The following GLP2R variants were observed in gnomAD, a reference collection of about 807,000 sequenced individuals.
The protein encoded by GLP2R is glucagon-like peptide 2 receptor.
GLP2R carries 59 observed loss-of-function variants against 68.2 expected under a neutral mutation model. That is an observed-to-expected ratio of 0.87 (90% CI 0.70 to 1.07). GLP2R has a LOEUF of 1.07. Among genes scored for constraint, GLP2R ranks in the 50% least tolerant of loss-of-function variants. The pLI, the probability that GLP2R is intolerant of heterozygous loss-of-function variation, is 0.00. For synonymous variants in GLP2R, 270 were observed against 265.4 expected (o/e 1.02, Z -0.17); for missense variants, 548 against 677.4 (o/e 0.81, Z 2.12).
intron 4 of GLP2R, among the ~76,000 whole-genome samples, chr17:9,850,324 G>A (rs1270329775): frequency 6.6e-6 from 1 of 152,220 alleles, no homozygotes; most frequent in African/African-American, 2.4e-5. Flanking sequence ...ACCAACTGTA[G>A]CAGGTGCTCT....
chr17:9,852,470 G>T (rs1363637393), intron 4 of GLP2R, among the ~76,000 whole-genome samples: 1 of 151,860 alleles, frequency 6.6e-6, no homozygotes, highest in Non-Finnish European at 1.5e-5. Context: ...CCAATCTATA[G>T]CATTCTTATA....
Position 9,840,217 on chromosome 17 carries a change from C to T in GLP2R, c.383-2278C>T, listed in dbSNP as rs2066773158. Among the ~76,000 whole-genome samples, 7 of 152,298 alleles carry T rather than the reference C, an allele frequency of 4.6e-5. No homozygotes were observed. The South Asian group carries it at 1.5e-3, about 32-fold the overall frequency. On this transcript the variant is annotated intron_variant, in intron 3 of 12. Coordinates refer to ENST00000262441, the MANE Select transcript of GLP2R (RefSeq NM_004246.3). ...GTCTCGAACTTCTGACCTCGTGAAC[C>T]TCCCGCCTTGGCCTCCCAAAATGCT...
intron 9 of GLP2R, among the ~76,000 whole-genome samples, chr17:9,863,049 C>A (rs2067001264): frequency 6.6e-6 from 1 of 152,134 alleles, no homozygotes; most frequent in Non-Finnish European, 1.5e-5. Flanking sequence ...GTGGACAGGC[C>A]TGTGTCATCT....
chr17:9,861,157 T>C lies in GLP2R; in HGVS notation c.944T>C (p.Val315Ala). The C allele has an allele frequency of 6.2e-7, 1 of 1,613,810 alleles. No homozygotes were observed. Among genetic ancestry groups the C allele is most frequent in the Non-Finnish European group, 8.5e-7 (1 of 1,179,766 alleles). Residue 315 changes from valine (V) to alanine (A), a missense_variant, in exon 8 of 13, where the codon GTT becomes GCT. By Grantham distance (64) the Val-to-Ala change is moderately conservative. Coordinates refer to ENST00000262441, the MANE Select transcript of GLP2R (RefSeq NM_004246.3). ...TCCCCAGCCTTCCCTGTGCTATTTG[T>C]TGTACCCTGGGGTTTCGCCCGTGCA... The part of the protein sequence containing the change: ...LLGWAFPVLF[V>A]VPWGFARAHL...
intron 1 of GLP2R, among the ~76,000 whole-genome samples, chr17:9,832,254 G>A (rs1386746511): frequency 1.3e-5 from 2 of 152,074 alleles, no homozygotes; most frequent in African/African-American, 4.8e-5. Flanking sequence ...CCTGGGAAAT[G>A]TAGCGAAATC....
chr17:9,885,746 A>G (rs2067238852), intron 11 of GLP2R, among the ~76,000 whole-genome samples: 1 of 148,610 alleles, frequency 6.7e-6, no homozygotes, highest in Non-Finnish European at 1.5e-5. Flanking sequence ...TCAGTAAAAA[A>G]AGGAGTCACA....
chr17:9,866,079 A>G, intron 9 of GLP2R: 1 of 348,206 alleles, frequency 2.9e-6, no homozygotes, highest in South Asian at 2.3e-5. Context: ...AGGGCTCCCC[A>G]GAGAGTGGAA....
At chr17:9,834,995 T>C (rs902930646) in intron 2 of GLP2R, among the ~76,000 whole-genome samples, 4 of 151,240 alleles carry the variant, frequency 2.6e-5, no homozygotes, top group African/African-American at 9.7e-5. Context: ...CACCATGGTG[T>C]TTCTAAGATT....
At position 9,826,107 on chromosome 17, in the gene GLP2R, C is replaced by T. The variant is rs778276667; in HGVS notation, c.44C>T (p.Ala15Val). 6.2e-6 allele frequency: 10 copies of T among 1,612,488 alleles called. No homozygotes were observed. In the East Asian group the frequency reaches 1.1e-4, roughly 18 times the overall value. ...SSRAGPGRGSAGLLPGVHELP... is the reference protein window; with the variant it reads ...SSRAGPGRGSVGLLPGVHELP... ...AGGGCAGGGCCTGGGAGAGGAAGCG[C>T]GGGACTCCTGCCTGGCGTCCACGAG... The change falls in exon 1 of 13, where the codon GCG (alanine) becomes GTG (valine). Residue 15 changes from alanine (A) to valine (V), a missense_variant. Ala to Val is a moderately conservative substitution (Grantham distance 64). Transcript: ENST00000262441.
chr17:9,863,159 C>T (rs918110882), intron 9 of GLP2R, among the ~76,000 whole-genome samples: 6 of 152,148 alleles, frequency 3.9e-5, no homozygotes, highest in African/African-American at 1.4e-4. Context: ...ACACACCCCA[C>T]ACATGGTGTG....
intron 3 of GLP2R, among the ~76,000 whole-genome samples, chr17:9,839,983 CTTTTT>C (rs11387395): frequency 7.2e-6 from 1 of 139,396 alleles, no homozygotes; most frequent in African/African-American, 2.7e-5. Flanking sequence ...TCTGAAGCCT[CTTTTT>C]TTTTTTTTTT....
rs1162589589 is a variant in GLP2R at position 9,842,483 on chromosome 17, G to A, written c.383-12G>A. 1.2e-6 allele frequency: 2 copies of A among 1,613,898 alleles called. No individual in the cohort carries two copies. The highest frequency in any genetic ancestry group is 1.7e-5 in the Admixed American group (1 of 59,990). On this transcript the variant is annotated splice_polypyrimidine_tract_variant and intron_variant, in intron 3 of 12. Coordinates refer to ENST00000262441, the MANE Select transcript of GLP2R (RefSeq NM_004246.3). Reference sequence around the variant, plus strand: ...GTTCTGACCTTTCCTCCAGAGCTTTGTTTACTTTCAGAGAGCTCAGGAAGG... The same window carrying A: ...GTTCTGACCTTTCCTCCAGAGCTTTATTTACTTTCAGAGAGCTCAGGAAGG...
At chr17:9,884,252 G>T in intron 11 of GLP2R, among the ~76,000 whole-genome samples, 1 of 149,826 alleles carries the variant, frequency 6.7e-6, no homozygotes, top group East Asian at 1.9e-4. Context: ...TACTAGCAAA[G>T]GAATTAAAAT....
At chr17:9,874,225 ACTGGGG>A (rs2067124124) in intron 10 of GLP2R, among the ~76,000 whole-genome samples, 1 of 152,224 alleles carries the variant, frequency 6.6e-6, no homozygotes, top group Admixed American at 6.5e-5. Context: ...AAATCAAGAT[ACTGGGG>A]AGACCCTCAT....
intron 2 of GLP2R, among the ~76,000 whole-genome samples, chr17:9,835,577 C>A (rs533823016): frequency 1.3e-5 from 2 of 152,046 alleles, no homozygotes; most frequent in Non-Finnish European, 1.5e-5. Context: ...TGACCAAGGA[C>A]CTTGATCTTG....
At chr17:9,833,746 G>T (rs2066701952) in intron 1 of GLP2R, 61 bp from the exon 2 acceptor site, 2 of 994,822 alleles carry the variant, frequency 2.0e-6, no homozygotes, top group Admixed American at 4.2e-5. Context: ...ATGGTGTGAA[G>T]TGACAACAAG....
chr17:9,832,116 T>A (rs1464704806), intron 1 of GLP2R, among the ~76,000 whole-genome samples: 2 of 152,168 alleles, frequency 1.3e-5, no homozygotes, highest in African/African-American at 4.8e-5. Context: ...AGGTGCCTGA[T>A]GAACAATAGA....
intron 6 of GLP2R, among the ~76,000 whole-genome samples, chr17:9,859,652 T>TATAC (rs397779730): frequency 6.8e-6 from 1 of 146,430 alleles, no homozygotes; most frequent in South Asian, 2.2e-4. Context: ...TATATATATA[T>TATAC]ACATACATAT....
rs917065665 is a variant in GLP2R at position 9,889,983 on chromosome 17, G to A, written c.*278G>A. The A allele has an allele frequency of 7.5e-6, 4 of 531,514 alleles. No homozygotes were observed. The highest frequency in any genetic ancestry group is 3.8e-5 in the African/African-American group (2 of 52,942). The allele number at this position is 531,514 out of a possible 1,614,324, so 32.9% of individuals were successfully genotyped here. ...CCCTAGGGCCTGGCTCTAAATTCAAGCCAATGAAGTCCCACCATGAAGAGA... is the reference window on the plus strand; with the variant it reads ...CCCTAGGGCCTGGCTCTAAATTCAAACCAATGAAGTCCCACCATGAAGAGA... On this transcript the variant is annotated 3_prime_UTR_variant, in exon 13 of 13. Transcript: ENST00000262441.
Sources: allele counts gnomAD v4.1 joint callset (sites outside exome capture counted in the v4.1 genomes callset), GRCh38; gene constraint gnomAD v4.1.1; transcripts MANE v1.5; gene names NCBI Gene and HGNC (gene_info 2026-07-23, HGNC 2026-07-21).